Variants in LRRC47 observed in about 807,000 individuals in gnomAD.
The protein encoded by LRRC47 is leucine-rich repeat-containing protein 47.
LRRC47 carries 31 observed loss-of-function variants against 40.9 expected under a neutral mutation model. The ratio of observed to expected loss-of-function variants is 0.76; its 90% CI spans 0.57 to 1.02. The LOEUF is 1.02. Among genes scored for constraint, LRRC47 ranks in the 50% least tolerant of loss-of-function variants. The pLI, the probability that LRRC47 is intolerant of heterozygous loss-of-function variation, is 0.00. For missense variants in LRRC47, 726 were observed against 796.1 expected (o/e 0.91, Z 1.06); for synonymous variants, 427 against 371.9 (o/e 1.15, Z -1.70).
At chr1:3,785,395 T>G in intron 2 of LRRC47, 192 bp from the exon 3 acceptor site, 1 of 331,272 alleles carries the variant, frequency 3.0e-6, no homozygotes, top group Non-Finnish European at 5.5e-6. Flanking sequence ...AGGCACTCAC[T>G]TTGTGGAATC....
At chr1:3,793,375 G>A (rs1275294337) in intron 1 of LRRC47, among the ~76,000 whole-genome samples, 1 of 152,188 alleles carries the variant, frequency 6.6e-6, no homozygotes, top group Non-Finnish European at 1.5e-5. Context: ...TTACAGGCAG[G>A]AGCCACCGCG....
chr1:3,790,832 C>T (rs1643620535), intron 1 of LRRC47, among the ~76,000 whole-genome samples: 1 of 152,326 alleles, frequency 6.6e-6, no homozygotes, highest in Admixed American at 6.5e-5. Context: ...CACTAGGAGC[C>T]AGGCCGAGCT....
Position 3,780,076 on chromosome 1 carries a change from C to T in LRRC47, c.*1012G>A, listed in dbSNP as rs996006506. 26 of 152,282 alleles carry T rather than the reference C, an allele frequency of 1.7e-4. No homozygotes were observed. The highest frequency in any genetic ancestry group is 2.2e-4 in the Non-Finnish European group (15 of 68,024). The allele number at this position is 152,282 out of a possible 1,614,324, so 9.4% of individuals were successfully genotyped here. A position where few individuals can be genotyped will look rare whatever the true frequency, so the allele number is the denominator to read the frequency against. On this transcript the variant is annotated 3_prime_UTR_variant, in exon 7 of 7. Transcript: ENST00000378251. ...AAGATGCTGCGTCATAGAAAGTGAC[C>T]GTGCCGTTCAAGGAAACGCACATCG...
In LRRC47 at chr1:3,781,171, C is replaced by G; in HGVS notation, c.1669G>C (p.Asp557His). 6.2e-7 allele frequency: 1 copy of G among 1,614,130 alleles called. No individual in the cohort carries two copies. Among genetic ancestry groups the G allele is most frequent in the African/African-American group, 1.3e-5 (1 of 75,030 alleles). Residue 557 changes from aspartate (D) to histidine (H), a missense_variant, in exon 7 of 7, where the codon GAT (aspartate) becomes CAT (histidine). Physicochemically the swap from Asp to His is moderately conservative, Grantham distance 81. Coordinates refer to ENST00000378251, the MANE Select transcript of LRRC47 (RefSeq NM_020710.3). ...ACCACCTTCAGGCTCCCTTCCAGAT[C>G]CACCACCCGGACCTGCTCCACCACC... ...LLVVEQVRVV[D>H]LEGSLKVVYP... is the part of the protein sequence containing the mutation.
intron 1 of LRRC47, among the ~76,000 whole-genome samples, chr1:3,791,582 G>C (rs1199371368): frequency 6.6e-6 from 1 of 152,128 alleles, no homozygotes; most frequent in African/African-American, 2.4e-5. Flanking sequence ...TCAGCTTCCC[G>C]AGTAGCTGGG....
At position 3,783,757 on chromosome 1, in the gene LRRC47, G is replaced by T. The variant is rs1643543900; in HGVS notation, c.1310+239C>A. The T allele has an allele frequency of 1.1e-5, 6 of 522,514 alleles. No individual in the cohort carries two copies. In the South Asian group the frequency reaches 1.7e-4, roughly 14 times the overall value. 32.4% of individuals were successfully genotyped at this position (522,514 alleles called of 1,614,324 possible). A position where few individuals can be genotyped will look rare whatever the true frequency, so the allele number is the denominator to read the frequency against. ...TCCTGAGGGCCACCCGCCCCCTGTG[G>T]AATGGCCAATACCTCCGCTCCTAAC... On this transcript the variant is annotated intron_variant, in intron 4 of 6. Transcript: ENST00000378251.
chr1:3,778,757 C>T lies in LRRC47; in HGVS notation c.*2331G>A, dbSNP rs906896234. 2.0e-5 allele frequency: 3 copies of T among 152,362 alleles called. No individual in the cohort carries two copies. The highest frequency in any genetic ancestry group is 1.9e-4 in the East Asian group (1 of 5,184). The allele number at this position is 152,362 out of a possible 1,614,324, so 9.4% of individuals were successfully genotyped here. ...TGTTACAGCATGGACACCAAGTCCCCGGGAGCCAAGATGGCAGCTCCAGCA... is the reference window on the plus strand; with the variant it reads ...TGTTACAGCATGGACACCAAGTCCCTGGGAGCCAAGATGGCAGCTCCAGCA... On this transcript the variant is annotated 3_prime_UTR_variant, in exon 7 of 7. Transcript: ENST00000378251.
intron 3 of LRRC47, among the ~76,000 whole-genome samples, chr1:3,784,645 C>T (rs1483319280): frequency 2.0e-5 from 3 of 152,248 alleles, no homozygotes; most frequent in African/African-American, 4.8e-5. Context: ...TAACCGCAAA[C>T]GCGGTCTGTT....
At chr1:3,784,420 G>A (rs1434505267) in intron 3 of LRRC47, among the ~76,000 whole-genome samples, 2 of 152,216 alleles carry the variant, frequency 1.3e-5, no homozygotes, top group African/African-American at 4.8e-5. Flanking sequence ...AGGAGAGAAA[G>A]GCTGAGCAGC....
rs755856210 is a variant in LRRC47, at chr1:3,787,283, T to C, written c.643A>G (p.Ser215Gly). 3 of 1,612,628 alleles carry C rather than the reference T, an allele frequency of 1.9e-6. No individual in the cohort carries two copies. The South Asian group carries it at 3.3e-5, about 18-fold the overall frequency. ...TCCGCAAGCTCTGCAGGGATCTCGC[T>C]CAGCTGGTTGTTCGAGAGGTCCAAC... is the stretch of plus-strand genomic sequence containing the variant. ...KTLDLSNNQLSEIPAELADCP... is the reference protein window; with the variant it reads ...KTLDLSNNQLGEIPAELADCP... The change falls in exon 2 of 7, where the codon AGC becomes GGC. Residue 215 changes from serine (S) to glycine (G), a missense_variant. Coordinates refer to ENST00000378251, the MANE Select transcript of LRRC47 (RefSeq NM_020710.3).
chr1:3,786,463 G>A (rs769261527), intron 2 of LRRC47, among the ~76,000 whole-genome samples: 11 of 151,956 alleles, frequency 7.2e-5, no homozygotes, highest in Admixed American at 2.0e-4. Flanking sequence ...CTGCGCCACC[G>A]TACTCCAGCC....
intron 1 of LRRC47, among the ~76,000 whole-genome samples, chr1:3,790,065 C>G (rs1348089021): frequency 6.6e-6 from 1 of 152,242 alleles, no homozygotes; most frequent in Non-Finnish European, 1.5e-5. Flanking sequence ...AGCTGACACT[C>G]TACTGCAGGA....
chr1:3,795,502 G>A (rs543202686), intron 1 of LRRC47, among the ~76,000 whole-genome samples: 3 of 152,342 alleles, frequency 2.0e-5, no homozygotes, highest in Admixed American at 2.0e-4. Context: ...TCACTCTCAA[G>A]TCACTTCACA....
chr1:3,790,294 G>T (rs974030748), intron 1 of LRRC47, among the ~76,000 whole-genome samples: 1 of 152,218 alleles, frequency 6.6e-6, no homozygotes, highest in Non-Finnish European at 1.5e-5. Flanking sequence ...TGAGAAACTC[G>T]GAAGCTGGGG....
At position 3,780,771 on chromosome 1, in the gene LRRC47, A is replaced by C; in HGVS notation, c.*317T>G. The C allele has an allele frequency of 3.1e-6, 1 of 325,530 alleles. No individual in the cohort carries two copies. Among genetic ancestry groups the C allele is most frequent in the South Asian group, 3.2e-5 (1 of 30,772 alleles). 20.2% of individuals were successfully genotyped at this position (325,530 alleles called of 1,614,324 possible). A position where few individuals can be genotyped will look rare whatever the true frequency, so the allele number is the denominator to read the frequency against. On this transcript the variant is annotated 3_prime_UTR_variant, in exon 7 of 7. Transcript: ENST00000378251. ...GGTGGACAGATCATGAGGTCAAGAG[A>C]TCAAGACCATCCTGGTCAAAATGGT...
intron 1 of LRRC47, among the ~76,000 whole-genome samples, 183 bp downstream of exon 1, chr1:3,795,679 G>C (rs1447080524): frequency 6.6e-6 from 1 of 152,254 alleles, no homozygotes; most frequent in Non-Finnish European, 1.5e-5. Context: ...GGGGGAGTTG[G>C]AAGGCGGCAT....
In LRRC47 at chr1:3,781,042, A is replaced by G. The variant is rs751915290; in HGVS notation, c.*46T>C. ...GATAATTCAGCATTGCCGCATAGAA[A>G]CCTCCGCAAAACCGGCCAAACAAAC... is the stretch of plus-strand genomic sequence containing the variant. On this transcript the variant is annotated 3_prime_UTR_variant, in exon 7 of 7. Coordinates refer to ENST00000378251, the MANE Select transcript of LRRC47 (RefSeq NM_020710.3). The G allele has an allele frequency of 7.6e-6, 12 of 1,589,086 alleles. No individual in the cohort carries two copies. Among genetic ancestry groups the G allele is most frequent in the African/African-American group, 1.3e-5 (1 of 74,170 alleles).
At chr1:3,795,708 G>GC (rs1354578291) in intron 1 of LRRC47, among the ~76,000 whole-genome samples, 154 bp downstream of exon 1, 6 of 152,208 alleles carry the variant, frequency 3.9e-5, no homozygotes, top group Admixed American at 6.5e-5. Context: ...CAGGGGTGAT[G>GC]CCCCCCGCAG....
chr1:3,795,623 C>CG lies in LRRC47; in HGVS notation c.615+238dup, dbSNP rs567762364. On this transcript the variant is annotated intron_variant, in intron 1 of 6. Coordinates refer to ENST00000378251, the MANE Select transcript of LRRC47 (RefSeq NM_020710.3). ...GTGTAAAAGTCCAGTTAACAGAATG[C>CG]GGGGGAGTTCAGAGGCCACCTAGTA... is the stretch of plus-strand genomic sequence containing the variant. Among the ~76,000 whole-genome samples the CG allele has an allele frequency of 4.6e-5, 7 of 152,326 alleles. No individual in the cohort carries two copies. The South Asian group carries it at 1.2e-3, about 27-fold the overall frequency.
Sources: allele counts gnomAD v4.1 joint callset (sites outside exome capture counted in the v4.1 genomes callset), GRCh38; gene constraint gnomAD v4.1.1; transcripts MANE v1.5; gene names NCBI Gene and HGNC (gene_info 2026-07-23, HGNC 2026-07-21).